Variants in SORCS1 observed in about 807,000 individuals in gnomAD.
SORCS1 encodes VPS10 domain-containing receptor SorCS1.
A neutral mutation model predicts 146.1 loss-of-function variants in SORCS1; 60 were observed. That is an observed-to-expected ratio of 0.41 (90% confidence interval 0.33 to 0.51). SORCS1 has a LOEUF of 0.51. Ranked by LOEUF, SORCS1 falls within the 20% of genes least tolerant of loss-of-function variation. The pLI is 0.21. For synonymous variants in SORCS1, 637 were observed against 584.0 expected (o/e 1.09, Z -1.31); for missense variants, 1,352 against 1,487.6 (o/e 0.91, Z 1.50).
At chr10:106,876,306 T>G (rs1474732661) in intron 2 of SORCS1, among the ~76,000 whole-genome samples, 1 of 152,210 alleles carries the variant, frequency 6.6e-6, no homozygotes, top group African/African-American at 2.4e-5. Flanking sequence ...TTAGAAGTTA[T>G]GAACTTTTTT....
rs144321547 is a variant in SORCS1 at position 106,996,029 on chromosome 10, T to C, written c.559-39449A>G. Among the ~76,000 whole-genome samples, 755 of 151,780 alleles carry C rather than the reference T, an allele frequency of 5.0e-3. 2 individuals carry two copies. The highest frequency in any genetic ancestry group is 8.1e-3 in the South Asian group (39 of 4,796). On this transcript the variant is annotated intron_variant, in intron 1 of 25. Transcript: ENST00000263054. Reference sequence around the variant, plus strand: ...AGATCAGGACCACCCTGTGATCATGTTCAAGTTCAAGACCAGCCTGGCCAA... The same window carrying C: ...AGATCAGGACCACCCTGTGATCATGCTCAAGTTCAAGACCAGCCTGGCCAA...
intron 2 of SORCS1, among the ~76,000 whole-genome samples, chr10:106,895,525 C>T (rs1471923464): frequency 2.6e-5 from 4 of 152,122 alleles, no homozygotes; most frequent in African/African-American, 9.7e-5. Context: ...GCAGGTGAAT[C>T]GCTTGAACCC....
intron 5 of SORCS1, among the ~76,000 whole-genome samples, chr10:106,733,130 A>AAT: frequency 6.6e-6 from 1 of 150,522 alleles, no homozygotes; most frequent in East Asian, 1.9e-4. Flanking sequence ...AGAAAAGAAA[A>AAT]GAAAAGAAAA....
intron 1 of SORCS1, among the ~76,000 whole-genome samples, chr10:107,045,799 T>C (rs923827631): frequency 4.7e-5 from 7 of 149,722 alleles, no homozygotes; most frequent in South Asian, 2.1e-4. Flanking sequence ...TTTTTTTTTT[T>C]CTCAGTTGTG....
chr10:106,950,163 C>T (rs1056002687), intron 2 of SORCS1, among the ~76,000 whole-genome samples: 20 of 152,234 alleles, frequency 1.3e-4, no homozygotes, highest in African/African-American at 4.8e-4. Flanking sequence ...ATTTTGACTC[C>T]CTGAGTGAAG....
intron 22 of SORCS1, among the ~76,000 whole-genome samples, chr10:106,609,816 T>A (rs1199021678): frequency 6.6e-6 from 1 of 152,122 alleles, no homozygotes; most frequent in African/African-American, 2.4e-5. Flanking sequence ...GTAATAAGTG[T>A]GAAGAGAAAT....
At chr10:106,631,552 G>T (rs1044195722) in intron 18 of SORCS1, among the ~76,000 whole-genome samples, 1 of 152,166 alleles carries the variant, frequency 6.6e-6, no homozygotes, top group Non-Finnish European at 1.5e-5. Flanking sequence ...GTTATCCATG[G>T]AATAAAACAA....
At chr10:106,626,720 C>G (rs534215801) in intron 19 of SORCS1, among the ~76,000 whole-genome samples, 1 of 152,220 alleles carries the variant, frequency 6.6e-6, no homozygotes, top group African/African-American at 2.4e-5. Context: ...AGCAAAGCAC[C>G]CTGGATCTTT....
At chr10:106,938,936 A>T (rs79281832) in intron 2 of SORCS1, among the ~76,000 whole-genome samples, 3,197 of 152,238 alleles carry the variant, frequency 0.021, 85 homozygotes, top group South Asian at 0.11. Flanking sequence ...TTGTGACATT[A>T]ATTTGTTAAG....
At chr10:106,828,076 T>A (rs1324555298) in intron 3 of SORCS1, among the ~76,000 whole-genome samples, 2 of 152,230 alleles carry the variant, frequency 1.3e-5, no homozygotes, top group Non-Finnish European at 2.9e-5. Context: ...TTTCATATAA[T>A]CCTTACAACT....
intron 7 of SORCS1, 51 bp downstream of exon 7, chr10:106,709,172 C>A: frequency 1.4e-6 from 2 of 1,425,416 alleles, no homozygotes; most frequent in Non-Finnish European, 2.0e-6. Context: ...GGGACAGAAA[C>A]AAGGAAAAGA....
At chr10:107,152,536 T>A (rs1280336301) in intron 1 of SORCS1, among the ~76,000 whole-genome samples, 1 of 152,136 alleles carries the variant, frequency 6.6e-6, no homozygotes, top group East Asian at 1.9e-4. Context: ...GGTAACTGAA[T>A]CATGGGAGTG....
rs183512319 is a variant in SORCS1 at position 107,076,112 on chromosome 10, T to C, written c.558+87857A>G. Among the ~76,000 whole-genome samples the C allele has an allele frequency of 2.4e-3, 360 of 152,300 alleles. 2 individuals carry two copies. The highest frequency in any genetic ancestry group is 6.8e-3 in the South Asian group (33 of 4,832). On this transcript the variant is annotated intron_variant, in intron 1 of 25. Transcript: ENST00000263054. ...CCAATTATCTCAGATCATGGGCTTC[T>C]GAGAGCCAGCTGCCCACAGGTTAGT...
the SORCS1 span, among the ~76,000 whole-genome samples, chr10:107,180,345 A>G: frequency 1.1e-4 from 17 of 152,180 alleles, no homozygotes; most frequent in South Asian, 3.5e-3. Context: ...CTTTACATTT[A>G]TGTTCATGAC....
At chr10:106,729,865 A>G (rs1345905032) in intron 6 of SORCS1, among the ~76,000 whole-genome samples, 185 bp downstream of exon 6, 1 of 152,174 alleles carries the variant, frequency 6.6e-6, no homozygotes, top group African/African-American at 2.4e-5. Context: ...TCCGAACAGA[A>G]GATACCTGCA....
intron 2 of SORCS1, among the ~76,000 whole-genome samples, chr10:106,873,620 T>G (rs1158263933): frequency 1.4e-5 from 2 of 147,444 alleles, no homozygotes; most frequent in African/African-American, 2.4e-5. Context: ...CCTACTTTAA[T>G]TTTCTACATA....
intron 2 of SORCS1, among the ~76,000 whole-genome samples, chr10:106,839,992 A>T (rs1948954325): frequency 6.6e-6 from 1 of 152,204 alleles, no homozygotes; most frequent in Non-Finnish European, 1.5e-5. Flanking sequence ...TAATGTACCT[A>T]GTCATCCATG....
chr10:106,842,941 C>A (rs1338744898), intron 2 of SORCS1, among the ~76,000 whole-genome samples: 1 of 152,100 alleles, frequency 6.6e-6, no homozygotes, highest in Non-Finnish European at 1.5e-5. Flanking sequence ...TAGTTATGTG[C>A]ATGTGTGTGT....
At chr10:106,869,374 C>CA (rs1355921596) in intron 2 of SORCS1, among the ~76,000 whole-genome samples, 1 of 152,144 alleles carries the variant, frequency 6.6e-6, no homozygotes, top group Non-Finnish European at 1.5e-5. Context: ...CAAAACCTCG[C>CA]AGACACACAA....
Sources: allele counts gnomAD v4.1 joint callset (sites outside exome capture counted in the v4.1 genomes callset), GRCh38; gene constraint gnomAD v4.1.1; transcripts MANE v1.5; gene names NCBI Gene and HGNC (gene_info 2026-07-23, HGNC 2026-07-21).